Variants in TTC29 observed in about 807,000 individuals in gnomAD.
TTC29 encodes the protein tetratricopeptide repeat protein 29.
In TTC29, 49 loss-of-function variants were observed where a neutral mutation model predicts 58.1. The observed-to-expected ratio is 0.84, with a 90% CI of 0.67 to 1.07. TTC29 has a LOEUF of 1.07. TTC29 is among the 50% of genes least tolerant of loss of function. The pLI is 0.00. For synonymous variants in TTC29, 209 were observed against 196.8 expected, an observed-to-expected ratio of 1.06 and a Z score of -0.52; for missense variants, 582 against 555.6, an observed-to-expected ratio of 1.05 and a Z score of -0.48.
intron 8 of TTC29, among the ~76,000 whole-genome samples, chr4:146,862,004 A>C (rs1211572324): frequency 2.0e-5 from 3 of 152,044 alleles, no homozygotes; most frequent in Admixed American, 2.0e-4. Flanking sequence ...GCTAAACCTA[A>C]CACGACAAAG....
intron 6 of TTC29, among the ~76,000 whole-genome samples, chr4:146,884,565 T>C (rs903962370): frequency 1.3e-5 from 2 of 152,122 alleles, no homozygotes; most frequent in Admixed American, 6.6e-5. Context: ...GGGAATCTTT[T>C]TGGAAAAATT....
At chr4:146,865,488 T>C (rs114820251) in intron 8 of TTC29, among the ~76,000 whole-genome samples, 185 of 152,154 alleles carry the variant, frequency 1.2e-3, no homozygotes, top group Middle Eastern at 3.4e-3. Flanking sequence ...TGGGTACTCA[T>C]GGACATAAAG....
In TTC29 at chr4:146,728,907, G is replaced by A. The variant is rs201647118; in HGVS notation, c.1331-21356C>T. Among the ~76,000 whole-genome samples, 6 of 112,494 alleles carry A rather than the reference G, an allele frequency of 5.3e-5. 1 individual carries two copies. Among genetic ancestry groups the A allele is most frequent in the Non-Finnish European group, 7.5e-5 (4 of 53,432 alleles). The allele number at this position is 112,494 out of a possible 152,430, so 73.8% of individuals were successfully genotyped here. A position where few individuals can be genotyped will look rare whatever the true frequency, so the allele number is the denominator to read the frequency against. The stretch of plus-strand genomic sequence containing the variant: ...TATATGTGTGTATGTATATATATAT[G>A]TACGTATCTGTCTAGATGCCCTCTA... On this transcript the variant is annotated intron_variant, in intron 11 of 12. Transcript: ENST00000325106.
In TTC29 at chr4:146,715,855, C is replaced by T. The variant is rs115308435; in HGVS notation, c.1331-8304G>A. The stretch of plus-strand genomic sequence containing the variant: ...ATTTGATCATTACACATTGTAAACA[C>T]GTATCAAAATATCATCCTGTATTCC... On this transcript the variant is annotated intron_variant, in intron 11 of 12. Transcript: ENST00000325106. Among the ~76,000 whole-genome samples, 802 of 152,152 alleles carry T rather than the reference C, an allele frequency of 5.3e-3. 11 individuals carry two copies. The highest frequency in any genetic ancestry group is 0.018 in the African/African-American group (744 of 41,512).
At chr4:146,919,761 A>C (rs1734461828) in intron 4 of TTC29, among the ~76,000 whole-genome samples, 1 of 151,168 alleles carries the variant, frequency 6.6e-6, no homozygotes, top group African/African-American at 2.4e-5. Flanking sequence ...TTAGTTTTCT[A>C]CACAGCATTA....
intron 11 of TTC29, among the ~76,000 whole-genome samples, chr4:146,719,241 T>C (rs1743178727): frequency 6.6e-6 from 1 of 151,502 alleles, no homozygotes. Flanking sequence ...TGTGGTTCCA[T>C]ATAAATTTTA....
chr4:146,707,393 G>C, intron 12 of TTC29, 92 bp downstream of exon 12: 1 of 934,536 alleles, frequency 1.1e-6, no homozygotes, highest in Non-Finnish European at 1.6e-6. Context: ...GCTGGATGAA[G>C]CTCCTCTTTT....
intron 8 of TTC29, among the ~76,000 whole-genome samples, chr4:146,841,948 C>T (rs1455019796): frequency 6.6e-6 from 1 of 152,150 alleles, no homozygotes; most frequent in Non-Finnish European, 1.5e-5. Flanking sequence ...AACAAAACAA[C>T]TGCTTAATTT....
At chr4:146,739,168 A>G (rs758985998) in intron 11 of TTC29, among the ~76,000 whole-genome samples, 16 of 152,368 alleles carry the variant, frequency 1.1e-4, no homozygotes, top group Middle Eastern at 3.4e-3. Context: ...TAAACTGTCT[A>G]TTATAGGATG....
At chr4:146,869,076 T>G (rs953177040) in intron 7 of TTC29, among the ~76,000 whole-genome samples, 1 of 146,542 alleles carries the variant, frequency 6.8e-6, no homozygotes, top group African/African-American at 2.6e-5. Flanking sequence ...ATGCTTCTTG[T>G]ACAGTCTGTG....
At chr4:146,868,255 G>T (rs1177703861) in intron 7 of TTC29, among the ~76,000 whole-genome samples, 3 of 152,056 alleles carry the variant, frequency 2.0e-5, no homozygotes, top group Non-Finnish European at 2.9e-5. Context: ...GTAGCATTAG[G>T]AGATATACCT....
chr4:146,798,858 G>C (rs374519977), intron 11 of TTC29, among the ~76,000 whole-genome samples: 1 of 124,148 alleles, frequency 8.1e-6, no homozygotes, highest in East Asian at 2.6e-4. Flanking sequence ...CTGCACTCTA[G>C]CCTGGGTGAC....
chr4:146,849,766 C>A (rs1313963607), intron 8 of TTC29, among the ~76,000 whole-genome samples: 1 of 152,168 alleles, frequency 6.6e-6, no homozygotes, highest in Admixed American at 6.5e-5. Context: ...TTTCTCCAGC[C>A]TTACTGGCTC....
rs539499322 is a variant in TTC29, at chr4:146,776,481, G to A, written c.1330+26976C>T. ...TTTATCTTCTTTGATGCATTTGGGT[G>A]TTTGATTTTGGTTTCAGTTGGGTTC... On this transcript the variant is annotated intron_variant, in intron 11 of 12. Coordinates refer to ENST00000325106, the MANE Select transcript of TTC29 (RefSeq NM_031956.4). Among the ~76,000 whole-genome samples the A allele has an allele frequency of 4.6e-5, 7 of 151,398 alleles. No individual in the cohort carries two copies. The South Asian group carries it at 1.5e-3, about 32-fold the overall frequency.
At chr4:146,752,079 G>A (rs1746047412) in intron 11 of TTC29, among the ~76,000 whole-genome samples, 1 of 151,842 alleles carries the variant, frequency 6.6e-6, no homozygotes, top group Non-Finnish European at 1.5e-5. Flanking sequence ...CAATCAGGCA[G>A]GAGAAGGGAA....
intron 10 of TTC29, among the ~76,000 whole-genome samples, chr4:146,811,408 T>A (rs1241665258): frequency 6.6e-6 from 1 of 152,166 alleles, no homozygotes; most frequent in Non-Finnish European, 1.5e-5. Context: ...GAGGATATTA[T>A]CTAGGATTGA....
chr4:146,861,822 T>C (rs1055378041), intron 8 of TTC29, among the ~76,000 whole-genome samples: 2 of 151,974 alleles, frequency 1.3e-5, no homozygotes, highest in African/African-American at 4.8e-5. Context: ...ATGAATAACA[T>C]TATTGGAAGG....
chr4:146,857,652 C>G (rs1455030975), intron 8 of TTC29, among the ~76,000 whole-genome samples: 1 of 152,140 alleles, frequency 6.6e-6, no homozygotes, highest in Non-Finnish European at 1.5e-5. Flanking sequence ...GATTTCCTCT[C>G]TGGCAGCATC....
At chr4:146,885,243 C>CA (rs199676126) in intron 6 of TTC29, among the ~76,000 whole-genome samples, 32 of 149,674 alleles carry the variant, frequency 2.1e-4, no homozygotes, top group Admixed American at 6.0e-4. Context: ...TGCAATAAAG[C>CA]AAAAAAAAGG....
Sources: gnomAD v4.1 joint callset for allele counts (sites outside exome capture counted in the v4.1 genomes callset) on GRCh38, gnomAD v4.1.1 for gene constraint, MANE v1.5 for transcripts, NCBI Gene and HGNC (gene_info 2026-07-23, HGNC 2026-07-21) for gene names.